ALG14: variants seen among roughly 807,000 people sequenced by gnomAD.
The protein encoded by ALG14 is UDP-N-acetylglucosamine transferase subunit ALG14.
ALG14 carries 17 observed loss-of-function variants against 22.8 expected under a neutral mutation model. The observed-to-expected ratio is 0.75, with a 90% CI of 0.51 to 1.12. The LOEUF is 1.12. Among genes scored for constraint, ALG14 ranks in the 50% most tolerant of loss-of-function variants. The probability of loss-of-function intolerance (pLI) is 0.00; values close to 1 mark genes in which losing one functional copy is unlikely to be tolerated. For missense variants in ALG14, 288 were observed against 271.8 expected (o/e 1.06, Z -0.42); for synonymous variants, 89 against 103.7 (o/e 0.86, Z 0.86).
chr1:95,061,554 G>A (rs1481272375), intron 2 of ALG14: 1 of 152,148 alleles, frequency 6.6e-6, no homozygotes, highest in Non-Finnish European at 1.5e-5. Flanking sequence ...GGTTCTAGGA[G>A]TGGGTCCTGA....
Position 95,072,939 on chromosome 1 carries a change from C to A in ALG14, c.-41G>T, listed in dbSNP as rs778737307. On this transcript the variant is annotated 5_prime_UTR_variant, in exon 1 of 4. Coordinates refer to ENST00000370205, the MANE Select transcript of ALG14 (RefSeq NM_144988.4). ...ATGCGTCCAACTTCCGGGGACCAGC[C>A]GCTGTCAAAGTTCACAACTACGGGT... The A allele has an allele frequency of 3.2e-5, 52 of 1,611,086 alleles. No homozygotes were observed. The highest frequency in any genetic ancestry group is 4.2e-5 in the Non-Finnish European group (50 of 1,179,222).
At chr1:95,013,598 C>T (rs1039788586) in intron 3 of ALG14, among the ~76,000 whole-genome samples, 1 of 152,098 alleles carries the variant, frequency 6.6e-6, no homozygotes. Flanking sequence ...GGATTACAGG[C>T]GTGAGCCAAC....
intron 3 of ALG14, among the ~76,000 whole-genome samples, chr1:95,016,942 G>T (rs866499598): frequency 2.9e-4 from 38 of 129,362 alleles, no homozygotes; most frequent in African/African-American, 1.0e-3. Context: ...TTGCAAAAGG[G>T]GTGTGTGTGT....
intron 2 of ALG14, among the ~76,000 whole-genome samples, chr1:95,043,734 AGAG>A (rs1476757408): frequency 6.6e-6 from 1 of 151,942 alleles, no homozygotes; most frequent in Non-Finnish European, 1.5e-5. Context: ...AGGAAGGTAG[AGAG>A]GAGAAGGAAA....
chr1:95,030,860 T>C (rs1247035033), intron 2 of ALG14, among the ~76,000 whole-genome samples: 4 of 152,288 alleles, frequency 2.6e-5, no homozygotes, highest in Non-Finnish European at 4.4e-5. Flanking sequence ...TTCAGAAGAA[T>C]AGAAACTAGT....
chr1:94,983,811 G>A (rs1422518201), intron 3 of ALG14, among the ~76,000 whole-genome samples: 9 of 151,064 alleles, frequency 6.0e-5, no homozygotes, highest in East Asian at 1.9e-4. Context: ...GCGTGATCTC[G>A]GCTCACTGCA....
intron 3 of ALG14, among the ~76,000 whole-genome samples, chr1:95,002,210 C>T (rs530248768): frequency 6.6e-6 from 1 of 152,204 alleles, no homozygotes; most frequent in South Asian, 2.1e-4. Flanking sequence ...TCAGCTATCT[C>T]ATGGGCCAAT....
At chr1:94,989,959 T>C (rs1425666480) in intron 3 of ALG14, among the ~76,000 whole-genome samples, 2 of 152,130 alleles carry the variant, frequency 1.3e-5, no homozygotes, top group Non-Finnish European at 1.5e-5. Flanking sequence ...CAGACAGGGC[T>C]AAAAGCACTG....
At chr1:94,992,433 G>A (rs929450689) in intron 3 of ALG14, among the ~76,000 whole-genome samples, 34 of 152,206 alleles carry the variant, frequency 2.2e-4, no homozygotes, top group African/African-American at 8.2e-4. Context: ...GCAAGTATCT[G>A]ATGAATTGGT....
chr1:95,022,370 G>A, intron 3 of ALG14: 1 of 985,414 alleles, frequency 1.0e-6, no homozygotes, highest in Non-Finnish European at 1.2e-6. Context: ...CCATGCAACT[G>A]GGAAAAGCAG....
At chr1:95,045,551 T>C (rs1674518935) in intron 2 of ALG14, among the ~76,000 whole-genome samples, 1 of 152,090 alleles carries the variant, frequency 6.6e-6, no homozygotes. Flanking sequence ...AGTTTGCATA[T>C]ACATTGCAAA....
rs926464125 is a variant in ALG14, at chr1:94,991,637, C to T, written c.421-8331G>A. ...AGTGAGTGTGAAGGCCCAGGACATT[C>T]CTGTACACTATGGTAGAATTTATGA... is the stretch of plus-strand genomic sequence containing the variant. On this transcript the variant is annotated intron_variant, in intron 3 of 3. Transcript: ENST00000370205. Among the ~76,000 whole-genome samples, 5 of 152,240 alleles carry T rather than the reference C, an allele frequency of 3.3e-5. No homozygotes were observed. The East Asian group carries it at 9.7e-4, about 29-fold the overall frequency.
At chr1:95,046,164 T>C (rs1167743649) in intron 2 of ALG14, among the ~76,000 whole-genome samples, 1 of 152,146 alleles carries the variant, frequency 6.6e-6, no homozygotes, top group Admixed American at 6.5e-5. Context: ...ACCATATATT[T>C]ATACTCCTAA....
chr1:95,035,270 T>A (rs527404641), intron 2 of ALG14, among the ~76,000 whole-genome samples: 1 of 152,376 alleles, frequency 6.6e-6, no homozygotes, highest in Admixed American at 6.5e-5. Context: ...CTGCAAAATT[T>A]ACCTGTCTTC....
At position 95,056,262 on chromosome 1, in the gene ALG14, G is replaced by A. The variant is rs569845027; in HGVS notation, c.288+8604C>T. On this transcript the variant is annotated intron_variant, in intron 2 of 3. Coordinates refer to ENST00000370205, the MANE Select transcript of ALG14 (RefSeq NM_144988.4). ...ACTGCTGAATAAATGGTGCTGGGCT[G>A]GGCCCCTATTTTGCCATATGGAAAT... Among the ~76,000 whole-genome samples the A allele has an allele frequency of 1.3e-4, 20 of 152,262 alleles. No individual in the cohort carries two copies. In the South Asian group the frequency reaches 4.1e-3, roughly 32 times the overall value.
chr1:95,012,593 G>T (rs1673396670), intron 3 of ALG14, among the ~76,000 whole-genome samples: 1 of 152,158 alleles, frequency 6.6e-6, no homozygotes, highest in African/African-American at 2.4e-5. Flanking sequence ...TCTCAAACAG[G>T]CAGTTTAGTC....
At chr1:95,035,877 A>C (rs1409075658) in intron 2 of ALG14, 1 of 152,248 alleles carries the variant, frequency 6.6e-6, no homozygotes, top group African/African-American at 2.4e-5. Context: ...ACACGACTGA[A>C]AAGTCCTGGA....
chr1:95,061,826 C>T (rs557851277), intron 2 of ALG14: 3 of 152,346 alleles, frequency 2.0e-5, no homozygotes, highest in East Asian at 1.9e-4. Flanking sequence ...AGAAAGACTT[C>T]GATTGGTCTG....
intron 2 of ALG14, among the ~76,000 whole-genome samples, chr1:95,057,622 CTGTGTGTG>C (rs139544863): frequency 1.4e-5 from 2 of 143,956 alleles, no homozygotes; most frequent in African/African-American, 5.1e-5. Flanking sequence ...AGATGACCAT[CTGTGTGTG>C]TGTGTGTGTG....
Sources: allele counts gnomAD v4.1 joint callset (sites outside exome capture counted in the v4.1 genomes callset), GRCh38; gene constraint gnomAD v4.1.1; transcripts MANE v1.5; gene names NCBI Gene and HGNC (gene_info 2026-07-23, HGNC 2026-07-21).